Variants in PLEKHA5 observed in about 807,000 individuals in gnomAD.
The protein encoded by PLEKHA5 is pleckstrin homology domain-containing family A member 5.
A neutral mutation model predicts 181.9 loss-of-function variants in PLEKHA5; 55 were observed. That is an observed-to-expected ratio of 0.30 (90% CI 0.24 to 0.38). The LOEUF (loss-of-function observed/expected upper bound fraction) is 0.38. Among genes scored for constraint, PLEKHA5 ranks in the 10% least tolerant of loss-of-function variants. The pLI, the probability that PLEKHA5 is intolerant of heterozygous loss-of-function variation, is 1.00. For missense variants in PLEKHA5, 1,432 were observed against 1,549.5 expected (o/e 0.92, Z 1.27); for synonymous variants, 535 against 529.4 (o/e 1.01, Z -0.15).
Position 19,130,255 on chromosome 12 carries a change from G to C in PLEKHA5, c.169+125G>C, listed in dbSNP as rs1289307172. 1 of 429,326 alleles carries C rather than the reference G, an allele frequency of 2.3e-6. No individual in the cohort carries two copies. Among genetic ancestry groups the C allele is most frequent in the Non-Finnish European group, 3.7e-6 (1 of 268,004 alleles). The allele number at this position is 429,326 out of a possible 1,614,324, so 26.6% of individuals were successfully genotyped here. A position where few individuals can be genotyped will look rare whatever the true frequency, so the allele number is the denominator to read the frequency against. ...GAGGCGGCGAGGCGGGGCGGAGGCCGGGCGGGAGCGGCCGCAGGTAGAGGG... is the reference window on the plus strand; with the variant it reads ...GAGGCGGCGAGGCGGGGCGGAGGCCCGGCGGGAGCGGCCGCAGGTAGAGGG... On this transcript the variant is annotated intron_variant, in intron 2 of 31. Coordinates refer to ENST00000429027, the MANE Select transcript of PLEKHA5 (RefSeq NM_001256470.2). The surrounding 1 kb of genome is among the most constrained non-coding windows in gnomAD (Gnocchi z 4.5).
intron 3 of PLEKHA5, chr12:19,201,513 A>G (rs2054199338): frequency 6.6e-6 from 1 of 152,136 alleles, no homozygotes; most frequent in African/African-American, 2.4e-5. Flanking sequence ...GTGCACACAA[A>G]GATCTGTACT....
intron 20 of PLEKHA5, among the ~76,000 whole-genome samples, chr12:19,334,829 A>AAAAAAAAATAT: frequency 3.8e-4 from 7 of 18,600 alleles, no homozygotes; most frequent in Non-Finnish European, 4.3e-4. Context: ...AAAAAAAAAA[A>AAAAAAAAATAT]ATATATATAT....
At chr12:19,328,121 G>C (rs2092429560) in intron 20 of PLEKHA5, among the ~76,000 whole-genome samples, 1 of 152,094 alleles carries the variant, frequency 6.6e-6, no homozygotes, top group African/African-American at 2.4e-5. Flanking sequence ...TTGTCAATTT[G>C]ATCAAATATC....
At chr12:19,156,520 T>C (rs1199584839) in intron 3 of PLEKHA5, among the ~76,000 whole-genome samples, 1 of 152,042 alleles carries the variant, frequency 6.6e-6, no homozygotes, top group Non-Finnish European at 1.5e-5. Flanking sequence ...CCCTTTACTG[T>C]GATCACCTTA....
At chr12:19,340,451 G>A (rs1183297053) in intron 21 of PLEKHA5, among the ~76,000 whole-genome samples, 1 of 135,046 alleles carries the variant, frequency 7.4e-6, no homozygotes, top group Non-Finnish European at 1.7e-5. Context: ...TCTGGGAGGT[G>A]TACTCAACAG....
chr12:19,164,339 C>T (rs566151953), intron 3 of PLEKHA5, among the ~76,000 whole-genome samples: 7 of 151,784 alleles, frequency 4.6e-5, no homozygotes, highest in African/African-American at 1.4e-4. Flanking sequence ...GCTGGGATTA[C>T]AGGCGTGTGT....
chr12:19,254,850 A>G (rs142386955), intron 4 of PLEKHA5, among the ~76,000 whole-genome samples, 195 bp from the exon 5 acceptor site: 84 of 152,286 alleles, frequency 5.5e-4, no homozygotes, highest in African/African-American at 2.0e-3. Flanking sequence ...TAAACATGAT[A>G]ATAATGTATT....
At chr12:19,298,706 A>G (rs1420936522) in intron 15 of PLEKHA5, among the ~76,000 whole-genome samples, 1 of 151,964 alleles carries the variant, frequency 6.6e-6, no homozygotes, top group Non-Finnish European at 1.5e-5. Flanking sequence ...TCCCTCACCA[A>G]AAAGCTAAAG....
At position 19,253,926 on chromosome 12, in the gene PLEKHA5, TTTC is replaced by T. The variant is rs1269805643; in HGVS notation, c.228-13_228-11del. ...ATACCTGCATGTTCTGTTTTTCTTT[TTTC>T]CTTTTTTCAGCCATAATGAAAGGAA... On this transcript the variant is annotated splice_polypyrimidine_tract_variant and intron_variant, in intron 3 of 31. Transcript: ENST00000429027. 8 of 1,507,182 alleles carry T rather than the reference TTTC, an allele frequency of 5.3e-6. No homozygotes were observed. Among genetic ancestry groups the T allele is most frequent in the Non-Finnish European group, 7.3e-6 (8 of 1,090,154 alleles). The allele number at this position is 1,507,182 out of a possible 1,614,324, so 93.4% of individuals were successfully genotyped here.
chr12:19,317,114 C>T (rs904955343), intron 16 of PLEKHA5, among the ~76,000 whole-genome samples: 35 of 152,074 alleles, frequency 2.3e-4, no homozygotes, highest in Admixed American at 1.0e-3. Context: ...TGCCTGTAAT[C>T]CCAACAATTT....
intron 3 of PLEKHA5, among the ~76,000 whole-genome samples, chr12:19,203,791 C>T (rs927638818): frequency 6.6e-5 from 10 of 152,010 alleles, no homozygotes; most frequent in Admixed American, 2.0e-4. Context: ...TGTATTGCAG[C>T]GTACCGTGAC....
intron 3 of PLEKHA5, among the ~76,000 whole-genome samples, chr12:19,250,031 C>G (rs1166677077): frequency 1.3e-5 from 2 of 152,180 alleles, no homozygotes. Context: ...GCACCCTGGC[C>G]TCTACCCACT....
chr12:19,156,484 G>A (rs2041757661), intron 3 of PLEKHA5, among the ~76,000 whole-genome samples: 1 of 151,720 alleles, frequency 6.6e-6, no homozygotes, highest in Admixed American at 6.6e-5. Flanking sequence ...AATGTTTCTA[G>A]GATCCAAAAT....
intron 29 of PLEKHA5, among the ~76,000 whole-genome samples, chr12:19,365,532 C>CT (rs997067655): frequency 2.0e-5 from 3 of 152,072 alleles, no homozygotes; most frequent in African/African-American, 7.2e-5. Flanking sequence ...TTAAAGTAGA[C>CT]TTTAAGGAAT....
intron 3 of PLEKHA5, among the ~76,000 whole-genome samples, chr12:19,168,805 G>A (rs1262709265): frequency 6.6e-6 from 1 of 152,188 alleles, no homozygotes; most frequent in Non-Finnish European, 1.5e-5. Context: ...GGTGGTAAAT[G>A]AATAATGGTG....
chr12:19,342,631 A>G (rs2094025881), intron 21 of PLEKHA5, among the ~76,000 whole-genome samples: 1 of 152,044 alleles, frequency 6.6e-6, no homozygotes, highest in African/African-American at 2.4e-5. Flanking sequence ...ACAAAATACA[A>G]AAATTATGGC....
At chr12:19,286,330 A>C (rs1465577853) in intron 12 of PLEKHA5, among the ~76,000 whole-genome samples, 1 of 152,244 alleles carries the variant, frequency 6.6e-6, no homozygotes, top group East Asian at 1.9e-4. Context: ...TTCATTGATA[A>C]GGTTTCAGAT....
At chr12:19,298,237 T>C (rs981031867) in intron 15 of PLEKHA5, among the ~76,000 whole-genome samples, 5 of 151,748 alleles carry the variant, frequency 3.3e-5, no homozygotes, top group Non-Finnish European at 7.4e-5. Flanking sequence ...GAGATAAAAC[T>C]GAGAAAATCC....
At chr12:19,347,246 T>A (rs1476090886) in intron 24 of PLEKHA5, 64 bp downstream of exon 24, 4 of 1,002,160 alleles carry the variant, frequency 4.0e-6, no homozygotes, top group Non-Finnish European at 5.6e-6. Flanking sequence ...TGAAAATTAA[T>A]TTATTTTACA....
Sources: gnomAD v4.1 joint callset for allele counts (sites outside exome capture counted in the v4.1 genomes callset) on GRCh38, gnomAD v4.1.1 for gene constraint, Gnocchi (gnomAD v3.1) non-coding constraint, MANE v1.5 for transcripts, NCBI Gene and HGNC (gene_info 2026-07-23, HGNC 2026-07-21) for gene names.